Variants in C13orf46 observed in about 807,000 individuals in gnomAD.
C13orf46 encodes uncharacterized protein C13orf46.
At position 113,958,981 on chromosome 13, in the gene C13orf46, T is replaced by C. The variant is rs918985113; in HGVS notation, c.573-2142A>G. Among the ~76,000 whole-genome samples, 5 of 152,312 alleles carry C rather than the reference T, an allele frequency of 3.3e-5. No individual in the cohort carries two copies. The East Asian group carries it at 9.6e-4, about 29-fold the overall frequency. ...TTGTTAAGGAGAAAAATTCTCCTAG[T>C]TGAAAGATACTAGGGGCCAGGTGCT... is the stretch of plus-strand genomic sequence containing the variant. On this transcript the variant is annotated intron_variant, in intron 6 of 6. Coordinates refer to ENST00000636427, the MANE Select transcript of C13orf46 (RefSeq NM_001365455.2).
chr13:113,945,432 C>T, the C13orf46 span, among the ~76,000 whole-genome samples: 1 of 151,858 alleles, frequency 6.6e-6, no homozygotes, highest in Non-Finnish European at 1.5e-5. Flanking sequence ...GCAGTCCCAG[C>T]TACTCAGGAG....
In C13orf46 at chr13:113,973,180, G is replaced by A. The variant is rs185167107; in HGVS notation, c.190+628C>T. ...CTAAACAAGAGCTGCAGAGATAAAC[G>A]GCCACAGGCCTCCCTCATCATTCAC... On this transcript the variant is annotated intron_variant, in intron 1 of 6. Coordinates refer to ENST00000636427, the MANE Select transcript of C13orf46 (RefSeq NM_001365455.2). Among the ~76,000 whole-genome samples the A allele has an allele frequency of 2.4e-3, 365 of 152,296 alleles. 1 individual carries two copies. The highest frequency in any genetic ancestry group is 8.4e-3 in the African/African-American group (349 of 41,554).
At chr13:113,929,880 G>A in the C13orf46 span, among the ~76,000 whole-genome samples, 4 of 152,362 alleles carry the variant, frequency 2.6e-5, no homozygotes, top group African/African-American at 7.2e-5. Context: ...AGTTCTGCCC[G>A]AGGATCCCAG....
At chr13:113,963,032 C>T (rs1184419146) in intron 6 of C13orf46, among the ~76,000 whole-genome samples, 6 of 152,188 alleles carry the variant, frequency 3.9e-5, no homozygotes, top group African/African-American at 7.2e-5. Flanking sequence ...GAGCAGGTAG[C>T]GCAGGTAGGG....
the C13orf46 span, among the ~76,000 whole-genome samples, chr13:113,933,888 A>G: frequency 6.6e-6 from 1 of 152,196 alleles, no homozygotes; most frequent in Non-Finnish European, 1.5e-5. Flanking sequence ...CACGCAAGTC[A>G]CTGGATGACG....
chr13:113,952,832 C>T (rs1437565560), downstream of C13orf46, among the ~76,000 whole-genome samples: 4 of 152,256 alleles, frequency 2.6e-5, no homozygotes, highest in African/African-American at 4.8e-5. Context: ...CTGCCTGAGC[C>T]TCTCAGCCCA....
intron 5 of C13orf46, among the ~76,000 whole-genome samples, chr13:113,966,935 A>G (rs1033141799): frequency 5.9e-5 from 9 of 152,194 alleles, no homozygotes; most frequent in Non-Finnish European, 1.2e-4. Context: ...AGGCACAGGG[A>G]AGTATGATGA....
At chr13:113,970,759 A>G (rs145781143) in intron 1 of C13orf46, among the ~76,000 whole-genome samples, 154 of 152,104 alleles carry the variant, frequency 1.0e-3, no homozygotes, top group Middle Eastern at 3.4e-3. Flanking sequence ...GGATGTTTCT[A>G]GCAGTCTTTT....
intron 5 of C13orf46, among the ~76,000 whole-genome samples, chr13:113,966,653 G>A (rs2052653122): frequency 1.3e-5 from 2 of 151,838 alleles, no homozygotes; most frequent in South Asian, 4.2e-4. Context: ...CTGCTGATGG[G>A]AATGATGGTG....
the C13orf46 span, among the ~76,000 whole-genome samples, chr13:113,932,777 T>C: frequency 6.6e-6 from 1 of 152,116 alleles, no homozygotes; most frequent in Non-Finnish European, 1.5e-5. Flanking sequence ...TTAAAAAACC[T>C]TTCCCAAACT....
At chr13:113,971,004 G>A (rs769711375) in intron 1 of C13orf46, among the ~76,000 whole-genome samples, 12 of 152,146 alleles carry the variant, frequency 7.9e-5, no homozygotes, top group Non-Finnish European at 1.2e-4. Flanking sequence ...TGAGTTCTCC[G>A]TTCCCAGGAG....
chr13:113,927,860 C>G, the C13orf46 span: 5 of 369,132 alleles, frequency 1.4e-5, no homozygotes, highest in East Asian at 1.2e-4. Flanking sequence ...TGTCAAGATC[C>G]GGGGAAGATT....
At chr13:113,957,087 TG>T (rs1302497519) in intron 6 of C13orf46, among the ~76,000 whole-genome samples, 6 of 148,816 alleles carry the variant, frequency 4.0e-5, no homozygotes, top group African/African-American at 1.5e-4. Context: ...TCAAGCACAC[TG>T]GGGGGGTCTC....
the C13orf46 span, among the ~76,000 whole-genome samples, chr13:113,947,628 G>C: frequency 1.3e-5 from 2 of 151,654 alleles, no homozygotes; most frequent in South Asian, 4.1e-4. Flanking sequence ...GCAAGGCTTG[G>C]TTGGTTCTTG....
At chr13:113,929,335 C>T in the C13orf46 span, among the ~76,000 whole-genome samples, 5 of 152,250 alleles carry the variant, frequency 3.3e-5, no homozygotes, top group East Asian at 5.8e-4. Context: ...TGGTAAAGCC[C>T]GTCCATCCAG....
chr13:113,933,174 T>C, the C13orf46 span, among the ~76,000 whole-genome samples: 2 of 152,222 alleles, frequency 1.3e-5, no homozygotes, highest in Non-Finnish European at 2.9e-5. Flanking sequence ...CCAAAGTTAA[T>C]TGTTGTATGT....
intron 5 of C13orf46, among the ~76,000 whole-genome samples, chr13:113,965,833 G>A (rs1456445159): frequency 2.7e-5 from 2 of 72,864 alleles, no homozygotes; most frequent in Non-Finnish European, 5.0e-5. Context: ...GGTGATAATG[G>A]TGATGGTGAT....
intron 6 of C13orf46, among the ~76,000 whole-genome samples, chr13:113,959,200 G>C (rs1002100607): frequency 1.3e-5 from 2 of 152,242 alleles, no homozygotes; most frequent in East Asian, 3.9e-4. Flanking sequence ...TGAGCCCAGG[G>C]GGTGGAGGTT....
At chr13:113,964,049 C>A (rs1336314064) in intron 6 of C13orf46, among the ~76,000 whole-genome samples, 6 of 152,142 alleles carry the variant, frequency 3.9e-5, no homozygotes, top group African/African-American at 1.4e-4. Context: ...CAGGGTTTCA[C>A]CATGTTGGCC....
Sources: allele counts gnomAD v4.1 joint callset (sites outside exome capture counted in the v4.1 genomes callset), GRCh38; gene constraint gnomAD v4.1.1; transcripts MANE v1.5; gene names NCBI Gene and HGNC (gene_info 2026-07-23, HGNC 2026-07-21).